SPTBN1: variants seen among roughly 807,000 people sequenced by gnomAD.
SPTBN1 encodes spectrin beta, non-erythrocytic 1.
In SPTBN1, 32 loss-of-function variants were observed where a neutral mutation model predicts 266.4. The observed-to-expected ratio is 0.12, with a 90% CI of 0.09 to 0.16. The LOEUF is 0.16. Ranked by LOEUF, SPTBN1 falls within the 10% of genes least tolerant of loss-of-function variation. SPTBN1 has a pLI of 1.00. For synonymous variants in SPTBN1, 1,336 were observed against 1,162.2 expected, an observed-to-expected ratio of 1.15 and a Z score of -3.04; for missense variants, 2,296 against 3,067.1, an observed-to-expected ratio of 0.75 and a Z score of 5.94.
At chr2:54,624,230 C>T (rs1678179734) in intron 10 of SPTBN1, among the ~76,000 whole-genome samples, 2 of 152,172 alleles carry the variant, frequency 1.3e-5, no homozygotes, top group Admixed American at 6.5e-5. Flanking sequence ...CCCACCTCGG[C>T]TTTCAAAGTG....
At chr2:54,556,644 A>G (rs949240897) in intron 2 of SPTBN1, among the ~76,000 whole-genome samples, 2 of 67,326 alleles carry the variant, frequency 3.0e-5, no homozygotes, top group Non-Finnish European at 5.4e-5. Flanking sequence ...GACGGTTCCC[A>G]ATTCAACTTC....
Position 54,649,578 on chromosome 2 carries a change from G to A in SPTBN1, c.5203-37G>A, listed in dbSNP as rs1050219144. The A allele has an allele frequency of 6.3e-7, 1 of 1,594,892 alleles. No individual in the cohort carries two copies. Among genetic ancestry groups the A allele is most frequent in the Non-Finnish European group, 8.6e-7 (1 of 1,166,650 alleles). ...GTGATCAAGAAATACAGAGTTCACA[G>A]TGGGCTCTCTGATTTCCTTACCCAT... is the stretch of plus-strand genomic sequence containing the variant. On this transcript the variant is annotated intron_variant, in intron 25 of 35. Coordinates refer to ENST00000356805, the MANE Select transcript of SPTBN1 (RefSeq NM_003128.3). This position sits in a 1 kb window ranked among gnomAD's most constrained non-coding sequence, Gnocchi z 6.7.
intron 24 of SPTBN1, among the ~76,000 whole-genome samples, chr2:54,648,249 C>T (rs1680044279): frequency 6.6e-6 from 1 of 152,134 alleles, no homozygotes; most frequent in Non-Finnish European, 1.5e-5. Flanking sequence ...GTAGGAGGTT[C>T]TTAAGATGTT....
At chr2:54,456,931 AGCGG>A (rs1693068579) in intron 1 of SPTBN1, among the ~76,000 whole-genome samples, 1 of 89,254 alleles carries the variant, frequency 1.1e-5, no homozygotes, top group African/African-American at 3.4e-5. Context: ...GTGGGTGCGG[AGCGG>A]ACAGCGGACA....
At chr2:54,497,720 C>T (rs1669043335) in intron 1 of SPTBN1, among the ~76,000 whole-genome samples, 1 of 152,218 alleles carries the variant, frequency 6.6e-6, no homozygotes, top group Non-Finnish European at 1.5e-5. Context: ...CCAAAAACCT[C>T]AGTACCTTTT....
rs185512703 is a variant in SPTBN1, at chr2:54,653,971, G to A, written c.5822+118G>A. The A allele has an allele frequency of 2.1e-6, 3 of 1,455,350 alleles. No homozygotes were observed. The highest frequency in any genetic ancestry group is 2.9e-5 in the African/African-American group (2 of 69,878). The allele number at this position is 1,455,350 out of a possible 1,614,324, so 90.2% of individuals were successfully genotyped here. The stretch of plus-strand genomic sequence containing the variant: ...CCTGCCTGAGCGCTTCAAGGCCAGA[G>A]TGGGGGTGGGGCGGTGCTTGGAGTG... On this transcript the variant is annotated intron_variant, in intron 27 of 35. Transcript: ENST00000356805. The surrounding 1 kb of genome is among the most constrained non-coding windows in gnomAD (Gnocchi z 5.1).
Position 54,631,513 on chromosome 2 carries a change from A to C in SPTBN1, c.3466A>C (p.Lys1156Gln), listed in dbSNP as rs199589621. 2 of 1,614,214 alleles carry C rather than the reference A, an allele frequency of 1.2e-6. No homozygotes were observed. The highest frequency in any genetic ancestry group is 1.7e-6 in the Non-Finnish European group (2 of 1,180,036). Reference sequence around the variant, plus strand: ...GGACACTGGATGGAACGAGCTCCACAAGATGTGGGAGAACAGACAAAATCT... The same window carrying C: ...GGACACTGGATGGAACGAGCTCCACCAGATGTGGGAGAACAGACAAAATCT... Reference protein sequence around the residue: ...ALDTGWNELHKMWENRQNLLS... With the variant: ...ALDTGWNELHQMWENRQNLLS... The change falls in exon 16 of 36, where the codon AAG becomes CAG. Residue 1156 changes from lysine to glutamine, a missense_variant. Physicochemically the swap from Lys to Gln is moderately conservative, Grantham distance 53. Around this residue, in one of 12 missense-constraint regions of SPTBN1, gnomAD observed 386 missense variants for 486.1 expected, o/e 0.79. Coordinates refer to ENST00000356805, the MANE Select transcript of SPTBN1 (RefSeq NM_003128.3).
rs1680130375 is a variant in SPTBN1 at position 54,649,520 on chromosome 2, C to T, written c.5203-95C>T. On this transcript the variant is annotated intron_variant, in intron 25 of 35. Coordinates refer to ENST00000356805, the MANE Select transcript of SPTBN1 (RefSeq NM_003128.3). This position sits in a 1 kb window ranked among gnomAD's most constrained non-coding sequence, Gnocchi z 6.7. Reference sequence around the variant, plus strand: ...CATGAGTATTATTGGCTACATCTTGCTTAGAGGCAGTTTCTTTCCAAAGGG... The same window carrying T: ...CATGAGTATTATTGGCTACATCTTGTTTAGAGGCAGTTTCTTTCCAAAGGG... 1.3e-6 allele frequency: 2 copies of T among 1,503,412 alleles called. No homozygotes were observed. Among genetic ancestry groups the T allele is most frequent in the East Asian group, 4.6e-5 (2 of 43,016 alleles). 93.1% of individuals were successfully genotyped at this position (1,503,412 alleles called of 1,614,324 possible). A position where few individuals can be genotyped will look rare whatever the true frequency, so the allele number is the denominator to read the frequency against.
At chr2:54,637,687 A>G (rs1169049324) in intron 17 of SPTBN1, 26 bp from the exon 18 acceptor site, 6 of 1,570,468 alleles carry the variant, frequency 3.8e-6, no homozygotes, top group Non-Finnish European at 5.2e-6. Flanking sequence ...CTTTTTTAAA[A>G]ATTATTTTTG....
At chr2:54,586,104 G>A (rs764911079) in intron 2 of SPTBN1, among the ~76,000 whole-genome samples, 29 of 152,206 alleles carry the variant, frequency 1.9e-4, no homozygotes, top group Non-Finnish European at 3.8e-4. Context: ...TTTTGATCTT[G>A]TCACAGTTGT....
chr2:54,483,067 C>A (rs1357953986), intron 1 of SPTBN1, among the ~76,000 whole-genome samples: 1 of 152,136 alleles, frequency 6.6e-6, no homozygotes, highest in African/African-American at 2.4e-5. Context: ...GAGAATGCAG[C>A]TTTATTCTTT....
Position 54,643,011 on chromosome 2 carries a change from T to C in SPTBN1, c.3887T>C (p.Leu1296Pro). ...ELSLWINEKM[L>P]TAQDMSYDEA... Reference sequence around the variant, plus strand: ...TCTCTCTGGATCAATGAGAAGATGCTCACAGCCCAGGACATGTCTTACGAT... The same window carrying C: ...TCTCTCTGGATCAATGAGAAGATGCCCACAGCCCAGGACATGTCTTACGAT... The change falls in exon 19 of 36, where the codon CTC (leucine) becomes CCC (proline). Residue 1296 changes from leucine to proline, a missense_variant. Transcript: ENST00000356805. The C allele has an allele frequency of 6.2e-7, 1 of 1,613,876 alleles. No homozygotes were observed. The highest frequency in any genetic ancestry group is 8.5e-7 in the Non-Finnish European group (1 of 1,179,806).
At chr2:54,460,344 T>G (rs560548610) in intron 1 of SPTBN1, among the ~76,000 whole-genome samples, 7 of 152,256 alleles carry the variant, frequency 4.6e-5, no homozygotes, top group Non-Finnish European at 7.3e-5. Flanking sequence ...CTGTAAATTA[T>G]TTGTTTAATA....
chr2:54,461,583 A>G (rs1236569069), intron 1 of SPTBN1, among the ~76,000 whole-genome samples: 2 of 152,254 alleles, frequency 1.3e-5, no homozygotes, highest in Non-Finnish European at 1.5e-5. Flanking sequence ...TAAGTGTTAC[A>G]GTTCCAAAGC....
intron 2 of SPTBN1, among the ~76,000 whole-genome samples, chr2:54,531,188 G>C (rs1390649795): frequency 6.6e-6 from 1 of 152,180 alleles, no homozygotes. Context: ...ACCTGAGGGG[G>C]TTCTTGGGAA....
intron 30 of SPTBN1, among the ~76,000 whole-genome samples, chr2:54,658,682 G>A (rs1327309989): frequency 6.6e-6 from 1 of 152,176 alleles, no homozygotes; most frequent in Non-Finnish European, 1.5e-5. Context: ...AAATGGCTTT[G>A]TTTCAGTTAG....
At chr2:54,594,837 T>TTTC (rs1675954430) in intron 2 of SPTBN1, among the ~76,000 whole-genome samples, 1 of 139,642 alleles carries the variant, frequency 7.2e-6, no homozygotes, top group Non-Finnish European at 1.5e-5. Context: ...AAGTTTCTTT[T>TTTC]TTTTTTTTTT....
Position 54,526,528 on chromosome 2 carries a change from C to T in SPTBN1, c.110C>T (p.Ala37Val), listed in dbSNP as rs1670826877. Residue 37 changes from alanine to valine, a missense_variant, in exon 2 of 36, where the codon GCG becomes GTG. By Grantham distance (64) the Ala-to-Val change is moderately conservative. Coordinates refer to ENST00000356805, the MANE Select transcript of SPTBN1 (RefSeq NM_003128.3). Reference sequence around the variant, plus strand: ...GACTGGGACAATGAGAACAGCTCTGCGCGGCTTTTTGAGCGGTCCCGCATC... The same window carrying T: ...GACTGGGACAATGAGAACAGCTCTGTGCGGCTTTTTGAGCGGTCCCGCATC... ...VDDWDNENSS[A>V]RLFERSRIKA... 6.2e-6 allele frequency: 10 copies of T among 1,614,108 alleles called. No homozygotes were observed. The highest frequency in any genetic ancestry group is 8.5e-6 in the Non-Finnish European group (10 of 1,180,002).
intron 2 of SPTBN1, among the ~76,000 whole-genome samples, chr2:54,591,602 C>G (rs1176014108): frequency 6.6e-6 from 1 of 152,142 alleles, no homozygotes; most frequent in Admixed American, 6.5e-5. Context: ...TTTGACAGTT[C>G]CTGATTCTAT....
Sources: gnomAD v4.1 joint callset for allele counts (sites outside exome capture counted in the v4.1 genomes callset) on GRCh38, gnomAD v4.1.1 for gene constraint, gnomAD v4.1.1 regional missense constraint, Gnocchi (gnomAD v3.1) non-coding constraint, MANE v1.5 for transcripts, NCBI Gene and HGNC (gene_info 2026-07-23, HGNC 2026-07-21) for gene names.